The following COP1 variants were observed in gnomAD, a reference collection of about 807,000 sequenced individuals.
COP1 encodes COP1 E3 ubiquitin ligase, also known as E3 ubiquitin-protein ligase COP1.
COP1 carries 24 observed loss-of-function variants against 101.3 expected under a neutral mutation model. The ratio of observed to expected loss-of-function variants is 0.24; its 90% CI spans 0.17 to 0.33. COP1 has a LOEUF of 0.33. Among genes scored for constraint, COP1 ranks in the 10% least tolerant of loss-of-function variants. The probability of loss-of-function intolerance (pLI) is 1.00; values close to 1 mark genes in which losing one functional copy is unlikely to be tolerated. For synonymous variants in COP1, 347 were observed against 341.9 expected, an observed-to-expected ratio of 1.01 and a Z score of -0.17; for missense variants, 663 against 906.2, an observed-to-expected ratio of 0.73 and a Z score of 3.45.
chr1:176,060,877 A>G (rs1674717525), intron 11 of COP1, among the ~76,000 whole-genome samples: 1 of 152,180 alleles, frequency 6.6e-6, no homozygotes, highest in Non-Finnish European at 1.5e-5. Flanking sequence ...AAAACACTGA[A>G]GAAAAATATT....
chr1:175,968,003 G>A (rs1571290417), intron 18 of COP1, among the ~76,000 whole-genome samples: 2 of 152,214 alleles, frequency 1.3e-5, no homozygotes, highest in South Asian at 2.1e-4. Context: ...AAGTAGCTGG[G>A]ATTACAGGCG....
chr1:176,022,008 TAA>T (rs1343596104), intron 15 of COP1, among the ~76,000 whole-genome samples: 1 of 152,242 alleles, frequency 6.6e-6, no homozygotes, highest in Admixed American at 6.5e-5. Context: ...TAAAATCTCC[TAA>T]GATACTGAAA....
At chr1:176,085,125 T>A (rs1158609001) in intron 10 of COP1, among the ~76,000 whole-genome samples, 2 of 152,178 alleles carry the variant, frequency 1.3e-5, no homozygotes, top group Non-Finnish European at 2.9e-5. Flanking sequence ...TTGCATATGT[T>A]ATTTCCTCTA....
chr1:176,206,991 C>T lies in COP1; in HGVS notation c.-13G>A. ...GGCTACCAGACATCGTGACTCCCTC[C>T]CCTCCAGCCGGGCGCTCGGAGGAGA... On this transcript the variant is annotated 5_prime_UTR_variant, in exon 1 of 20. Coordinates refer to ENST00000367669, the MANE Select transcript of COP1 (RefSeq NM_022457.7). 2 of 1,368,466 alleles carry T rather than the reference C, an allele frequency of 1.5e-6. No individual in the cohort carries two copies. The highest frequency in any genetic ancestry group is 1.9e-6 in the Non-Finnish European group (2 of 1,063,940). 84.8% of individuals were successfully genotyped at this position (1,368,466 alleles called of 1,614,324 possible). A position where few individuals can be genotyped will look rare whatever the true frequency, so the allele number is the denominator to read the frequency against.
chr1:176,098,668 T>C (rs991369984), intron 9 of COP1, among the ~76,000 whole-genome samples: 4 of 152,230 alleles, frequency 2.6e-5, no homozygotes, highest in Admixed American at 6.5e-5. Context: ...TTAGGAAAAT[T>C]TGTAAAGGGT....
chr1:176,008,692 C>T (rs924318191), intron 15 of COP1, among the ~76,000 whole-genome samples: 25 of 152,044 alleles, frequency 1.6e-4, no homozygotes, highest in African/African-American at 5.3e-4. Flanking sequence ...ACTGTGGACT[C>T]GGTTCTTCCT....
In COP1 at chr1:176,184,736, G is replaced by A; in HGVS notation, c.408-44C>T. ...TAATTGATTTTTTTTTAAAAGTAGA[G>A]TGATTACAAATTGGAAAAGACTAGT... On this transcript the variant is annotated intron_variant, in intron 1 of 19. Transcript: ENST00000367669. 4.2e-6 allele frequency: 6 copies of A among 1,428,032 alleles called. No individual in the cohort carries two copies. In the South Asian group the frequency reaches 4.9e-5, roughly 12 times the overall value. The allele number at this position is 1,428,032 out of a possible 1,614,324, so 88.5% of individuals were successfully genotyped here. A position where few individuals can be genotyped will look rare whatever the true frequency, so the allele number is the denominator to read the frequency against.
chr1:176,199,556 T>C (rs1474675950), intron 1 of COP1, among the ~76,000 whole-genome samples: 5 of 152,064 alleles, frequency 3.3e-5, no homozygotes, highest in Non-Finnish European at 4.4e-5. Flanking sequence ...ATATAAGCAG[T>C]TCATGTTATA....
chr1:176,171,087 T>C (rs1695978934), intron 3 of COP1, among the ~76,000 whole-genome samples: 1 of 125,326 alleles, frequency 8.0e-6, no homozygotes, highest in Admixed American at 1.1e-4. Flanking sequence ...ATCACACCAC[T>C]GCACTCCAGC....
In COP1 at chr1:176,202,185, CTTTTTT is replaced by C. The variant is rs11367274; in HGVS notation, c.407+4381_407+4386del. ...AGATTCTATGATACGTTCTAGTTCA[CTTTTTT>C]TTTTTTTTTTTTTTTGGAGACAGGG... On this transcript the variant is annotated intron_variant, in intron 1 of 19. Coordinates refer to ENST00000367669, the MANE Select transcript of COP1 (RefSeq NM_022457.7). Among the ~76,000 whole-genome samples the C allele has an allele frequency of 1.1e-4, 11 of 96,398 alleles. No individual in the cohort carries two copies. In the South Asian group the frequency reaches 2.0e-3, roughly 18 times the overall value. 63.2% of individuals were successfully genotyped at this position (96,398 alleles called of 152,430 possible).
intron 11 of COP1, among the ~76,000 whole-genome samples, chr1:176,056,169 T>C (rs565374704): frequency 6.6e-6 from 1 of 152,336 alleles, no homozygotes; most frequent in East Asian, 1.9e-4. Context: ...CAGAAAATGT[T>C]AATTTTTATT....
intron 8 of COP1, among the ~76,000 whole-genome samples, chr1:176,121,586 C>T (rs947994350): frequency 6.6e-6 from 1 of 152,124 alleles, no homozygotes; most frequent in Non-Finnish European, 1.5e-5. Context: ...CACAATTCCA[C>T]AGCTGGAATA....
intron 15 of COP1, among the ~76,000 whole-genome samples, chr1:176,016,857 GAC>G (rs1192420704): frequency 5.3e-5 from 8 of 151,990 alleles, no homozygotes; most frequent in African/African-American, 1.7e-4. Context: ...GAAATAAACA[GAC>G]AAAGAAACTG....
intron 1 of COP1, among the ~76,000 whole-genome samples, chr1:176,197,782 T>C (rs1699851542): frequency 1.3e-5 from 2 of 152,170 alleles, no homozygotes; most frequent in Admixed American, 6.5e-5. Flanking sequence ...CTATAGGTTC[T>C]ACCAAAAAAT....
intron 11 of COP1, among the ~76,000 whole-genome samples, chr1:176,073,209 G>C (rs973912037): frequency 6.6e-6 from 1 of 152,100 alleles, no homozygotes; most frequent in Non-Finnish European, 1.5e-5. Flanking sequence ...AAATATTTAT[G>C]ATGTTGTCTA....
chr1:176,192,091 A>G (rs1699171196), intron 1 of COP1, among the ~76,000 whole-genome samples: 1 of 152,104 alleles, frequency 6.6e-6, no homozygotes, highest in African/African-American at 2.4e-5. Context: ...AAGTGAACCA[A>G]TTTCTGGTAT....
intron 8 of COP1, among the ~76,000 whole-genome samples, chr1:176,129,230 T>C (rs1688525599): frequency 6.6e-6 from 1 of 151,668 alleles, no homozygotes. Context: ...TTTTTTCCTA[T>C]TGTCCCTACA....
chr1:175,977,703 T>C (rs1266526754), intron 18 of COP1, among the ~76,000 whole-genome samples: 1 of 152,156 alleles, frequency 6.6e-6, no homozygotes, highest in Non-Finnish European at 1.5e-5. Context: ...CTGTATATTC[T>C]TAAATTAGTA....
At chr1:175,964,470 A>G (rs1651760547) in intron 18 of COP1, among the ~76,000 whole-genome samples, 2 of 152,216 alleles carry the variant, frequency 1.3e-5, no homozygotes, top group Admixed American at 1.3e-4. Context: ...TCCCCTTTCA[A>G]GTGGTAGAAC....
Sources: allele counts gnomAD v4.1 joint callset (sites outside exome capture counted in the v4.1 genomes callset), GRCh38; gene constraint gnomAD v4.1.1; transcripts MANE v1.5; gene names NCBI Gene and HGNC (gene_info 2026-07-23, HGNC 2026-07-21).